PPP6R3: variants seen among roughly 807,000 people sequenced by gnomAD.
The protein encoded by PPP6R3 is protein phosphatase 6 regulatory subunit 3.
PPP6R3 carries 38 observed loss-of-function variants against 110.7 expected under a neutral mutation model. The observed-to-expected ratio is 0.34, with a 90% confidence interval of 0.26 to 0.45. The LOEUF (loss-of-function observed/expected upper bound fraction) is 0.45. Ranked by LOEUF, PPP6R3 falls within the 20% of genes least tolerant of loss-of-function variation. PPP6R3 has a pLI of 1.00. For missense variants in PPP6R3, 870 were observed against 1,062.4 expected (o/e 0.82, Z 2.52); for synonymous variants, 369 against 373.5 (o/e 0.99, Z 0.14).
chr11:68,576,130 T>TTTTTTG, intron 14 of PPP6R3, 87 bp downstream of exon 14: 1 of 961,974 alleles, frequency 1.0e-6, no homozygotes, highest in Non-Finnish European at 1.6e-6. Context: ...ATCTTCCATT[T>TTTTTTG]ACCTCAGTAA....
intron 2 of PPP6R3, 129 bp from the exon 3 acceptor site, chr11:68,537,530 T>C: frequency 1.6e-6 from 1 of 623,368 alleles, no homozygotes; most frequent in Non-Finnish European, 2.8e-6. Flanking sequence ...ATAGGTTCAG[T>C]GTGAAGCTTA....
At chr11:68,540,409 G>C (rs193210749) in intron 3 of PPP6R3, among the ~76,000 whole-genome samples, 1 of 152,168 alleles carries the variant, frequency 6.6e-6, no homozygotes, top group African/African-American at 2.4e-5. Context: ...GTGCAAATAG[G>C]TGTGGGTGAC....
intron 11 of PPP6R3, 49 bp from the exon 12 acceptor site, chr11:68,570,991 T>C: frequency 6.4e-7 from 1 of 1,565,088 alleles, no homozygotes; most frequent in Non-Finnish European, 8.6e-7. Context: ...CACTTTAAAG[T>C]TTTGATGCTT....
chr11:68,513,602 G>A (rs2099121516), intron 1 of PPP6R3, among the ~76,000 whole-genome samples: 2 of 152,288 alleles, frequency 1.3e-5, no homozygotes, highest in Admixed American at 1.3e-4. Flanking sequence ...TAGACGTAGT[G>A]AAGACAGACA....
intron 20 of PPP6R3, 28 bp from the exon 21 acceptor site, chr11:68,601,835 A>G (rs151158763): frequency 1.9e-6 from 3 of 1,563,770 alleles, no homozygotes; most frequent in Admixed American, 1.7e-5. Flanking sequence ...CCCTGCTGCT[A>G]ATATCTGAAT....
chr11:68,542,389 G>GTTTTTTGTTTTTTTTTTTTTT (rs2099321782), intron 3 of PPP6R3, among the ~76,000 whole-genome samples: 1 of 40,188 alleles, frequency 2.5e-5, no homozygotes, highest in Non-Finnish European at 4.1e-5. Flanking sequence ...AGAAGCTGCT[G>GTTTTTTGTTTTTTTTTTTTTT]TTTTTTTTTT....
intron 14 of PPP6R3, among the ~76,000 whole-genome samples, chr11:68,580,233 G>C (rs2099548240): frequency 6.6e-6 from 1 of 152,194 alleles, no homozygotes; most frequent in Non-Finnish European, 1.5e-5. Context: ...AGGACTTGAG[G>C]CCAGAAAGGC....
rs146771278 is a variant in PPP6R3 at position 68,600,205 on chromosome 11, C to T, written c.2039-136C>T. Reference sequence around the variant, plus strand: ...GCCCTCCAGGTGGCTGTGCCCTGTCCGCTCCTGCCCTCATTGGTGAGAGTG... The same window carrying T: ...GCCCTCCAGGTGGCTGTGCCCTGTCTGCTCCTGCCCTCATTGGTGAGAGTG... On this transcript the variant is annotated intron_variant, in intron 19 of 23. Coordinates refer to ENST00000393800, the MANE Select transcript of PPP6R3 (RefSeq NM_001164161.2). 107 of 946,486 alleles carry T rather than the reference C, an allele frequency of 1.1e-4. 1 individual carries two copies. The highest frequency in any genetic ancestry group is 4.3e-4 in the Middle Eastern group (2 of 4,680). 58.6% of individuals were successfully genotyped at this position (946,486 alleles called of 1,614,324 possible).
intron 3 of PPP6R3, among the ~76,000 whole-genome samples, chr11:68,541,668 C>A (rs576010084): frequency 2.0e-5 from 3 of 152,018 alleles, no homozygotes; most frequent in African/African-American, 7.2e-5. Context: ...TGAATGAGAT[C>A]GCCTGCAGAG....
chr11:68,530,658 G>A (rs141417481), intron 2 of PPP6R3, among the ~76,000 whole-genome samples: 2 of 152,304 alleles, frequency 1.3e-5, no homozygotes, highest in African/African-American at 4.8e-5. Context: ...TGTGACCTGT[G>A]CAGTCTCGCA....
chr11:68,479,921 A>T (rs919429037), intron 1 of PPP6R3, among the ~76,000 whole-genome samples: 1 of 151,770 alleles, frequency 6.6e-6, no homozygotes, highest in African/African-American at 2.4e-5. Flanking sequence ...GTATTTTTTT[A>T]TGAACAGGGT....
intron 4 of PPP6R3, 150 bp downstream of exon 4, chr11:68,545,174 C>T (rs1274415560): frequency 7.9e-6 from 4 of 505,640 alleles, no homozygotes; most frequent in Non-Finnish European, 1.4e-5. Flanking sequence ...TCTAAGCACT[C>T]ACATACTATT....
At chr11:68,464,555 A>G (rs546626946) in intron 1 of PPP6R3, among the ~76,000 whole-genome samples, 1 of 152,288 alleles carries the variant, frequency 6.6e-6, no homozygotes, top group South Asian at 2.1e-4. Flanking sequence ...TGATCTGTGA[A>G]CTTGGTCTTT....
At position 68,548,100 on chromosome 11, in the gene PPP6R3, G is replaced by T. The variant is rs1358452804; in HGVS notation, c.448G>T (p.Val150Leu). Reference protein sequence around the residue: ...VDFLKKKHDFVDLIIKHIGTS... With the variant: ...VDFLKKKHDFLDLIIKHIGTS... ...TTTCTTAAAGAAGAAGCATGATTTT[G>T]TAGACCTTATTATAAAGCACATAGG... Residue 150 changes from valine to leucine, a missense_variant, in exon 5 of 24, where the codon GTA (valine) becomes TTA (leucine). Physicochemically the swap from Val to Leu is conservative, Grantham distance 32. Coordinates refer to ENST00000393800, the MANE Select transcript of PPP6R3 (RefSeq NM_001164161.2). 2 of 1,613,834 alleles carry T rather than the reference G, an allele frequency of 1.2e-6. No homozygotes were observed. The highest frequency in any genetic ancestry group is 1.7e-6 in the Non-Finnish European group (2 of 1,179,728).
At position 68,592,321 on chromosome 11, in the gene PPP6R3, C is replaced by T. The variant is rs529934758; in HGVS notation, c.1916+615C>T. ...AATATTTGAACAACAGCTGAACTTT[C>T]ATTTTTATTTCATTTATTGTTACTC... On this transcript the variant is annotated intron_variant, in intron 18 of 23. Coordinates refer to ENST00000393800, the MANE Select transcript of PPP6R3 (RefSeq NM_001164161.2). 2.6e-5 allele frequency among the ~76,000 whole-genome samples: 4 copies of T among 152,292 alleles called. No homozygotes were observed. The South Asian group carries it at 8.3e-4, about 32-fold the overall frequency.
At chr11:68,556,811 G>A (rs773494334) in intron 7 of PPP6R3, among the ~76,000 whole-genome samples, 18 of 152,188 alleles carry the variant, frequency 1.2e-4, no homozygotes, top group African/African-American at 2.7e-4. Context: ...TGATACTTGC[G>A]TGTTTAGGTA....
chr11:68,478,133 A>G (rs925217845), intron 1 of PPP6R3, among the ~76,000 whole-genome samples: 30 of 152,144 alleles, frequency 2.0e-4, no homozygotes, highest in African/African-American at 5.8e-4. Flanking sequence ...TACTTTTAGT[A>G]GAGATGGGGT....
intron 23 of PPP6R3, among the ~76,000 whole-genome samples, chr11:68,610,920 CTT>C (rs967079737): frequency 6.6e-6 from 1 of 150,990 alleles, no homozygotes; most frequent in Non-Finnish European, 1.5e-5. Flanking sequence ...AGGGAGCACT[CTT>C]TGTTGGTCCA....
At chr11:68,516,570 C>G (rs1291767036) in intron 1 of PPP6R3, among the ~76,000 whole-genome samples, 1 of 152,140 alleles carries the variant, frequency 6.6e-6, no homozygotes, top group Non-Finnish European at 1.5e-5. Flanking sequence ...CCGTCTCTAC[C>G]ATACTTCACT....
Sources: allele counts gnomAD v4.1 joint callset (sites outside exome capture counted in the v4.1 genomes callset), GRCh38; gene constraint gnomAD v4.1.1; transcripts MANE v1.5; gene names NCBI Gene and HGNC (gene_info 2026-07-23, HGNC 2026-07-21).